The following VPS13B variants were observed in gnomAD, a reference collection of about 807,000 sequenced individuals.
The protein encoded by VPS13B is intermembrane lipid transfer protein VPS13B.
VPS13B carries 285 observed loss-of-function variants against 426.4 expected under a neutral mutation model. The observed-to-expected ratio is 0.67, with a 90% CI of 0.61 to 0.74. The LOEUF is 0.74. Among genes scored for constraint, VPS13B ranks in the 30% least tolerant of loss-of-function variants. The pLI is 0.00. For missense variants in VPS13B, 4,537 were observed against 4,782.6 expected, an observed-to-expected ratio of 0.95 and a Z score of 1.51; for synonymous variants, 1,676 against 1,676.4, an observed-to-expected ratio of 1.00 and a Z score of 0.01.
intron 21 of VPS13B, among the ~76,000 whole-genome samples, chr8:99,428,818 G>C (rs1475170235): frequency 6.6e-6 from 1 of 152,104 alleles, no homozygotes; most frequent in Non-Finnish European, 1.5e-5. Flanking sequence ...CTGCTATAAA[G>C]ACACATGCAC....
intron 25 of VPS13B, among the ~76,000 whole-genome samples, chr8:99,499,534 G>T (rs1048480557): frequency 2.6e-5 from 4 of 152,098 alleles, no homozygotes; most frequent in Non-Finnish European, 5.9e-5. Flanking sequence ...ATAAAGAAAG[G>T]CTATATATAT....
rs188705595 is a variant in VPS13B at position 99,452,547 on chromosome 8, G to A, written c.3445+9912G>A. Among the ~76,000 whole-genome samples, 82 of 152,136 alleles carry A rather than the reference G, an allele frequency of 5.4e-4. 1 individual carries two copies. The highest frequency in any genetic ancestry group is 1.2e-3 in the South Asian group (6 of 4,824). On this transcript the variant is annotated intron_variant, in intron 23 of 61. Coordinates refer to ENST00000357162, the MANE Select transcript of VPS13B (RefSeq NM_152564.5). ...ATTTTCAAGTTATTCATGGTAAATC[G>A]TGGTTGGTTACTCTAAGGGAGGAAG...
chr8:99,144,163 C>T (rs6995743), intron 13 of VPS13B, among the ~76,000 whole-genome samples: 4,098 of 152,008 alleles, frequency 0.027, 171 homozygotes, highest in African/African-American at 0.091. Context: ...GCACCATGTC[C>T]GCCCTGGATC....
intron 33 of VPS13B, among the ~76,000 whole-genome samples, chr8:99,639,052 C>T (rs1308758678): frequency 6.6e-6 from 1 of 152,142 alleles, no homozygotes. Context: ...AAGGCAGGCA[C>T]TGTGCTGTTC....
chr8:99,162,051 T>C (rs1811688899), intron 15 of VPS13B, among the ~76,000 whole-genome samples: 1 of 152,180 alleles, frequency 6.6e-6, no homozygotes, highest in South Asian at 2.1e-4. Flanking sequence ...CTAAATACTT[T>C]TGAAAATAAA....
chr8:99,495,403 G>T (rs1007934139), intron 25 of VPS13B, among the ~76,000 whole-genome samples: 2 of 151,918 alleles, frequency 1.3e-5, no homozygotes, highest in African/African-American at 4.8e-5. Flanking sequence ...TTTTTTATCA[G>T]ATCTGGTATC....
At chr8:99,848,242 T>C (rs917866134) in intron 54 of VPS13B, among the ~76,000 whole-genome samples, 1 of 152,220 alleles carries the variant, frequency 6.6e-6, no homozygotes, top group East Asian at 1.9e-4. Flanking sequence ...AATTAACTTA[T>C]ATCTAACATT....
chr8:99,338,947 G>T (rs891622109), intron 19 of VPS13B, among the ~76,000 whole-genome samples: 4 of 152,182 alleles, frequency 2.6e-5, no homozygotes, highest in African/African-American at 9.6e-5. Context: ...AATATAATGA[G>T]TATCACAGAT....
intron 43 of VPS13B, chr8:99,804,062 C>T (rs979589133): frequency 2.0e-5 from 3 of 152,160 alleles, no homozygotes; most frequent in Non-Finnish European, 2.9e-5. Context: ...ATAGGAAACT[C>T]TTGTAAATAT....
At chr8:99,698,253 C>G (rs1248771299) in intron 35 of VPS13B, among the ~76,000 whole-genome samples, 2 of 152,252 alleles carry the variant, frequency 1.3e-5, no homozygotes, top group African/African-American at 4.8e-5. Context: ...TGTGGTGCAG[C>G]TGCTGCAGCT....
chr8:99,148,670 T>C (rs1412754395), intron 14 of VPS13B, among the ~76,000 whole-genome samples: 2 of 152,146 alleles, frequency 1.3e-5, no homozygotes, highest in African/African-American at 4.8e-5. Context: ...CTATTTTAGT[T>C]TTAGCCAGTA....
At chr8:99,057,927 T>C (rs1843968558) in intron 3 of VPS13B, among the ~76,000 whole-genome samples, 1 of 152,310 alleles carries the variant, frequency 6.6e-6, no homozygotes, top group Admixed American at 6.5e-5. Context: ...CTAGACATGA[T>C]ATTCTTAAAT....
intron 19 of VPS13B, among the ~76,000 whole-genome samples, chr8:99,360,687 G>A (rs761287970): frequency 6.6e-6 from 1 of 151,968 alleles, no homozygotes; most frequent in African/African-American, 2.4e-5. Context: ...GACATATACC[G>A]GCTTGAGTAT....
intron 35 of VPS13B, chr8:99,697,412 C>T: frequency 3.1e-6 from 2 of 654,774 alleles, no homozygotes; most frequent in Non-Finnish European, 5.5e-6. Context: ...ACACTGCCCC[C>T]TGCTAGAGAG....
At chr8:99,475,819 A>T (rs1024518833) in intron 24 of VPS13B, among the ~76,000 whole-genome samples, 1 of 152,138 alleles carries the variant, frequency 6.6e-6, no homozygotes, top group Non-Finnish European at 1.5e-5. Flanking sequence ...TGTTCTCCTG[A>T]TGCCAAGAAC....
chr8:99,270,441 G>C (rs115963723), intron 17 of VPS13B, among the ~76,000 whole-genome samples: 1,740 of 151,994 alleles, frequency 0.011, 39 homozygotes, highest in African/African-American at 0.04. Flanking sequence ...GCCTGGCCAA[G>C]ATTGTTATCA....
At chr8:99,142,382 A>G (rs926668546) in intron 12 of VPS13B, among the ~76,000 whole-genome samples, 24 of 152,210 alleles carry the variant, frequency 1.6e-4, no homozygotes, top group Non-Finnish European at 3.2e-4. Context: ...ACATGCCTAT[A>G]CCTGGGGCCA....
chr8:99,683,720 T>C (rs1236929277), intron 35 of VPS13B, among the ~76,000 whole-genome samples: 2 of 152,232 alleles, frequency 1.3e-5, no homozygotes, highest in Non-Finnish European at 2.9e-5. Flanking sequence ...TCTAAAACTT[T>C]GCCAAACTCA....
chr8:99,224,447 T>C (rs907442648), intron 17 of VPS13B, among the ~76,000 whole-genome samples: 1 of 152,168 alleles, frequency 6.6e-6, no homozygotes, highest in Non-Finnish European at 1.5e-5. Flanking sequence ...AGATAATTTT[T>C]AGGAATGCAC....
Sources: gnomAD v4.1 joint callset for allele counts (sites outside exome capture counted in the v4.1 genomes callset) on GRCh38, gnomAD v4.1.1 for gene constraint, MANE v1.5 for transcripts, NCBI Gene and HGNC (gene_info 2026-07-23, HGNC 2026-07-21) for gene names.